PNMA6E: variants seen among roughly 807,000 people sequenced by gnomAD.
The protein encoded by PNMA6E is PNMA family member 6E, also known as paraneoplastic antigen Ma6E.
For synonymous variants in PNMA6E, 43 were observed against 17.1 expected (o/e 2.52, Z -3.74); for missense variants, 78 against 50.8 (o/e 1.53, Z -1.63).
chrX:153,397,401 C>A lies in PNMA6E; in HGVS notation c.1449G>T (p.Gly483=), dbSNP rs1556970536. 4 of 297,410 alleles carry A rather than the reference C, an allele frequency of 1.3e-5. No individual in the cohort carries two copies. The highest frequency in any genetic ancestry group is 2.3e-5 in the Non-Finnish European group (4 of 170,296). The allele number at this position is 297,410 out of a possible 1,213,427, so 24.5% of individuals were successfully genotyped here. A position where few individuals can be genotyped will look rare whatever the true frequency, so the allele number is the denominator to read the frequency against. Reference sequence around the variant, plus strand: ...CCATCTCCCGGATGAGCCGGAGCAGCCCCAGGAAGCCAGGTGGCCTCTTCT... The same window carrying A: ...CCATCTCCCGGATGAGCCGGAGCAGACCCAGGAAGCCAGGTGGCCTCTTCT... ...QLEKRPPGFL[G]LLRLIREMEA... is the part of the protein sequence containing the mutation. Residue 483 remains glycine, a synonymous_variant, in exon 2 of 2, where the codon GGG becomes GGT. Transcript: ENST00000445091.
At chrX:153,403,188 T>C (rs1383143087), upstream of PNMA6E, among the ~76,000 whole-genome samples, 1 of 112,122 alleles carries the variant, frequency 8.9e-6, no homozygotes, top group Non-Finnish European at 1.9e-5. Flanking sequence ...CTATATATTG[T>C]CCCACAGCTC....
At chrX:153,412,927 C>T in the PNMA6E span, among the ~76,000 whole-genome samples, 1 of 112,032 alleles carries the variant, frequency 8.9e-6, no homozygotes, top group Non-Finnish European at 1.9e-5. Context: ...CAAGGCCTGC[C>T]CAGCTGCAAG....
rs952207900 is a variant in PNMA6E at position 153,396,579 on chromosome X, C to T, written c.*327G>A. On this transcript the variant is annotated 3_prime_UTR_variant, in exon 2 of 2. Coordinates refer to ENST00000445091, the MANE Select transcript of PNMA6E (RefSeq NM_001367770.1). ...CCCAACTCACGGCCTGGGTTGGGGG[C>T]AGACATCTTCAGGTGCCCCCACCCA... 7 of 135,757 alleles carry T rather than the reference C, an allele frequency of 5.2e-5. No individual in the cohort carries two copies. Among genetic ancestry groups the T allele is most frequent in the Non-Finnish European group, 1.0e-4 (7 of 68,860 alleles). 11.2% of individuals were successfully genotyped at this position (135,757 alleles called of 1,213,427 possible).
At chrX:153,403,126 C>T (rs140925359), upstream of PNMA6E, among the ~76,000 whole-genome samples, 602 of 111,825 alleles carry the variant, frequency 5.4e-3, no homozygotes, top group African/African-American at 0.018. Flanking sequence ...AGTTTTTCTT[C>T]CCCATTCTCT....
At chrX:153,411,538 G>T in the PNMA6E span, among the ~76,000 whole-genome samples, 1 of 112,720 alleles carries the variant, frequency 8.9e-6, no homozygotes, top group African/African-American at 3.2e-5. Flanking sequence ...CTTCGCGAGC[G>T]GTACCCAGAG....
upstream of PNMA6E, among the ~76,000 whole-genome samples, chrX:153,404,653 C>A (rs1602880319): frequency 8.9e-6 from 1 of 112,222 alleles, no homozygotes; most frequent in Middle Eastern, 4.6e-3. Context: ...CTGCTCAGTT[C>A]TTTTCTTGGA....
At chrX:153,404,291 A>AT (rs1281898402), upstream of PNMA6E, 1 of 110,760 alleles carries the variant, frequency 9.0e-6, no homozygotes, top group Non-Finnish European at 1.9e-5. Context: ...AAGAATATAT[A>AT]TTTTTTTAAT....
chrX:153,412,936 A>G, the PNMA6E span, among the ~76,000 whole-genome samples: 1 of 112,056 alleles, frequency 8.9e-6, no homozygotes, highest in East Asian at 2.8e-4. Flanking sequence ...CCCAGCTGCA[A>G]GGAAGCTCCT....
chrX:153,410,179 GTCTC>G, the PNMA6E span, among the ~76,000 whole-genome samples: 4 of 111,209 alleles, frequency 3.6e-5, no homozygotes, highest in Non-Finnish European at 7.6e-5. Flanking sequence ...CCTTCTCTGT[GTCTC>G]TCTCTCCTGT....
At chrX:153,407,849 A>T in the PNMA6E span, among the ~76,000 whole-genome samples, 4 of 112,334 alleles carry the variant, frequency 3.6e-5, no homozygotes, top group Non-Finnish European at 7.5e-5. Flanking sequence ...GTCAGACCAA[A>T]GGGAAGTTTT....
At chrX:153,404,505 TGGTGGTGGTGGC>T (rs2088868112), upstream of PNMA6E, among the ~76,000 whole-genome samples, 1 of 110,902 alleles carries the variant, frequency 9.0e-6, no homozygotes, top group African/African-American at 3.3e-5. Context: ...GTTGTGGTGG[TGGTGGTGGTGGC>T]GGTGGTGGTT....
chrX:153,412,406 G>C, the PNMA6E span, among the ~76,000 whole-genome samples: 1 of 112,588 alleles, frequency 8.9e-6, no homozygotes, highest in African/African-American at 3.2e-5. Flanking sequence ...GGGACACGGC[G>C]GTAGTAAGCC....
chrX:153,413,348 T>C, the PNMA6E span, among the ~76,000 whole-genome samples: 21 of 105,678 alleles, frequency 2.0e-4, no homozygotes, highest in South Asian at 4.4e-4. Flanking sequence ...CAGGCTTCCT[T>C]GCTGGCAGTG....
At chrX:153,406,388 G>A (rs2088877324), upstream of PNMA6E, among the ~76,000 whole-genome samples, 1 of 112,533 alleles carries the variant, frequency 8.9e-6, no homozygotes, top group African/African-American at 3.2e-5. Flanking sequence ...CCTGGGTTAG[G>A]TGCCCATGCC....
the PNMA6E span, among the ~76,000 whole-genome samples, chrX:153,412,169 G>A: frequency 8.9e-6 from 1 of 112,762 alleles, no homozygotes; most frequent in African/African-American, 3.2e-5. Context: ...GGGGGCTGGT[G>A]CCTCGCGGTG....
upstream of PNMA6E, among the ~76,000 whole-genome samples, chrX:153,402,066 G>A (rs1556971516): frequency 1.8e-5 from 2 of 110,340 alleles, no homozygotes; most frequent in Non-Finnish European, 3.8e-5. Flanking sequence ...CTTGTGATCC[G>A]CCCGCCTCGG....
upstream of PNMA6E, among the ~76,000 whole-genome samples, chrX:153,403,005 A>T (rs1342795196): frequency 8.9e-6 from 1 of 112,552 alleles, no homozygotes; most frequent in Non-Finnish European, 1.9e-5. Context: ...CAATGTGCCT[A>T]CACGTGTTTT....
In PNMA6E at chrX:153,398,533, G is replaced by A. The variant is rs2088827742; in HGVS notation, c.317C>T (p.Pro106Leu). 2.8e-6 allele frequency: 1 copy of A among 363,032 alleles called. No individual in the cohort carries two copies. The highest frequency in any genetic ancestry group is 4.8e-6 in the Non-Finnish European group (1 of 210,133). 29.9% of individuals were successfully genotyped at this position (363,032 alleles called of 1,213,427 possible). Residue 106 changes from proline (P) to leucine (L), a missense_variant, in exon 2 of 2, where the codon CCC becomes CTC. By Grantham distance (98) the Pro-to-Leu change is moderately conservative. Transcript: ENST00000445091. ...ACCCTGGGGCTGTGCAGGAAAACTG[G>A]GCATATCCTGAAACTCAATAACAGG... ...QVPVIEFQDM[P>L]SFPAQPQGQA...
upstream of PNMA6E, among the ~76,000 whole-genome samples, chrX:153,402,373 G>A (rs890024414): frequency 9.0e-6 from 1 of 111,014 alleles, no homozygotes; most frequent in African/African-American, 3.3e-5. Flanking sequence ...GGTTGCTCTA[G>A]GGATTCCTAT....
Sources: allele counts gnomAD v4.1 joint callset (sites outside exome capture counted in the v4.1 genomes callset), GRCh38; gene constraint gnomAD v4.1.1; transcripts MANE v1.5; gene names NCBI Gene and HGNC (gene_info 2026-07-23, HGNC 2026-07-21).